The following TSHZ3 variants were observed in gnomAD, a reference collection of about 807,000 sequenced individuals.
TSHZ3 encodes teashirt homolog 3.
TSHZ3 carries 10 observed loss-of-function variants against 64.5 expected under a neutral mutation model. The ratio of observed to expected loss-of-function variants is 0.16; its 90% CI spans 0.10 to 0.26. The LOEUF (loss-of-function observed/expected upper bound fraction) is 0.26, where lower values mean the gene tolerates loss of function less well. Among genes scored for constraint, TSHZ3 ranks in the 10% least tolerant of loss-of-function variants. TSHZ3 has a pLI of 1.00. For missense variants in TSHZ3, 1,242 were observed against 1,421.7 expected (o/e 0.87, Z 2.03); for synonymous variants, 608 against 593.1 (o/e 1.03, Z -0.36).
rs567466019 is a variant in TSHZ3, at chr19:31,349,307, G to C, written c.-88C>G. The C allele has an allele frequency of 8.1e-5, 109 of 1,346,076 alleles. No individual in the cohort carries two copies. The Middle Eastern group carries it at 1.0e-3, about 13-fold the overall frequency. The allele number at this position is 1,346,076 out of a possible 1,614,324, so 83.4% of individuals were successfully genotyped here. On this transcript the variant is annotated 5_prime_UTR_variant, in exon 1 of 2. Coordinates refer to ENST00000240587, the MANE Select transcript of TSHZ3 (RefSeq NM_020856.4). ...GGAGGGGGCGGCGGGCCCGCGGGGG[G>C]GCGAGGCGGGCCTGCTCTCAGCCTC...
intron 1 of TSHZ3, among the ~76,000 whole-genome samples, chr19:31,340,737 G>A (rs1917409230): frequency 1.3e-5 from 2 of 152,212 alleles, no homozygotes; most frequent in South Asian, 4.1e-4. Flanking sequence ...CAGGTTTGCA[G>A]CCCAGGCCCA....
At chr19:31,206,472 G>C (rs1401954056) in intron 4 of TSHZ3, among the ~76,000 whole-genome samples, 2 of 152,138 alleles carry the variant, frequency 1.3e-5, no homozygotes, top group African/African-American at 2.4e-5. Flanking sequence ...GTTTTATTTT[G>C]GGAGAAAGGA....
intron 3 of TSHZ3, among the ~76,000 whole-genome samples, chr19:31,235,534 ATGTGTGTATG>A (rs1218555405): frequency 6.7e-6 from 1 of 150,086 alleles, no homozygotes; most frequent in Admixed American, 6.6e-5. Context: ...ACTTCCTCCA[ATGTGTGTATG>A]TGTGTGTGTG....
chr19:31,192,579 T>A (rs1974926816), intron 5 of TSHZ3, among the ~76,000 whole-genome samples: 1 of 152,244 alleles, frequency 6.6e-6, no homozygotes, highest in African/African-American at 2.4e-5. Flanking sequence ...ACTTTGGCCC[T>A]TTAAGTTCTG....
Position 31,185,107 on chromosome 19 carries a change from A to C in TSHZ3, n.809+19849T>G, listed in dbSNP as rs371241471. ...AAAACAAACAAGGAAACAACAACAA[A>C]AAAAAAAACACAAGGGGAATAGAAA... is the stretch of plus-strand genomic sequence containing the variant. On this transcript the variant is annotated intron_variant and non_coding_transcript_variant, in intron 5 of 6. Coordinates refer to the TSHZ3 transcript ENST00000651361. Among the ~76,000 whole-genome samples the C allele has an allele frequency of 3.4e-4, 49 of 142,416 alleles. No homozygotes were observed. In the East Asian group the frequency reaches 4.7e-3, roughly 14 times the overall value. The allele number at this position is 142,416 out of a possible 152,430, so 93.4% of individuals were successfully genotyped here.
At chr19:31,193,345 A>T (rs1207653975) in intron 5 of TSHZ3, among the ~76,000 whole-genome samples, 3 of 151,464 alleles carry the variant, frequency 2.0e-5, no homozygotes, top group Non-Finnish European at 4.4e-5. Context: ...TCACCTCCAC[A>T]CTCTTATTCT....
chr19:31,283,876 G>A (rs1976408883), intron 1 of TSHZ3, among the ~76,000 whole-genome samples: 1 of 152,164 alleles, frequency 6.6e-6, no homozygotes, highest in African/African-American at 2.4e-5. Context: ...AGGAGGGGAG[G>A]AAAGACTGGG....
chr19:31,255,556 A>G (rs1161381345), intron 1 of TSHZ3, among the ~76,000 whole-genome samples: 1 of 151,684 alleles, frequency 6.6e-6, no homozygotes, highest in African/African-American at 2.4e-5. Flanking sequence ...ACACGACCTG[A>G]GCTCCCTTCC....
intron 1 of TSHZ3, among the ~76,000 whole-genome samples, chr19:31,268,734 G>A (rs1016100211): frequency 1.3e-5 from 2 of 152,094 alleles, no homozygotes; most frequent in African/African-American, 4.8e-5. Flanking sequence ...TGTGGGAGAA[G>A]GCCTCTGCTT....
intron 1 of TSHZ3, among the ~76,000 whole-genome samples, chr19:31,309,478 G>A (rs1916394369): frequency 6.6e-6 from 1 of 152,148 alleles, no homozygotes; most frequent in African/African-American, 2.4e-5. Flanking sequence ...TCAGCATTGA[G>A]GCTCTCTCAG....
rs571900049 is a variant in TSHZ3, at chr19:31,212,344, G to A, written n.687-7266C>T. 3.2e-4 allele frequency among the ~76,000 whole-genome samples: 48 copies of A among 152,194 alleles called. No individual in the cohort carries two copies. The South Asian group carries it at 9.8e-3, about 31-fold the overall frequency. ...GTGGTGGTGCACACCTGTAATTCCA[G>A]CTACTCGGGAGGCTGAGGCTGGAGA... On this transcript the variant is annotated intron_variant and non_coding_transcript_variant, in intron 4 of 6. Coordinates refer to the TSHZ3 transcript ENST00000651361.
Position 31,275,612 on chromosome 19 carries a change from G to T in TSHZ3, c.*935C>A, listed in dbSNP as rs1339466961. The T allele has an allele frequency of 6.6e-6, 1 of 152,468 alleles. No individual in the cohort carries two copies. Among genetic ancestry groups the T allele is most frequent in the Non-Finnish European group, 1.5e-5 (1 of 67,998 alleles). 9.4% of individuals were successfully genotyped at this position (152,468 alleles called of 1,614,324 possible). A position where few individuals can be genotyped will look rare whatever the true frequency, so the allele number is the denominator to read the frequency against. On this transcript the variant is annotated 3_prime_UTR_variant, in exon 2 of 2. Transcript: ENST00000240587. ...TTTATTCAGACTGCTCAAAACAAAT[G>T]ACAATATGATGCTAATAAATATGTA...
chr19:31,175,369 G>A (rs770639595), intron 5 of TSHZ3, among the ~76,000 whole-genome samples: 6 of 152,216 alleles, frequency 3.9e-5, no homozygotes, highest in Non-Finnish European at 5.9e-5. Context: ...AAACTGTGAA[G>A]AGAAATACCC....
chr19:31,217,433 T>C (rs1975348999), intron 4 of TSHZ3, among the ~76,000 whole-genome samples: 1 of 152,012 alleles, frequency 6.6e-6, no homozygotes, highest in African/African-American at 2.4e-5. Flanking sequence ...ATGTTATAGA[T>C]GGATTTTAAG....
At chr19:31,251,235 A>G (rs1975837257) in intron 1 of TSHZ3, among the ~76,000 whole-genome samples, 1 of 152,140 alleles carries the variant, frequency 6.6e-6, no homozygotes, top group Admixed American at 6.5e-5. Flanking sequence ...GGCAAGGAGT[A>G]TGCAGATACA....
chr19:31,235,155 ACATACCCTT>A (rs1975589156), intron 3 of TSHZ3, among the ~76,000 whole-genome samples: 1 of 152,242 alleles, frequency 6.6e-6, no homozygotes, highest in African/African-American at 2.4e-5. Context: ...AAACTAATTA[ACATACCCTT>A]CACCTCGCAC....
chr19:31,287,504 G>C (rs1976483062), intron 1 of TSHZ3, among the ~76,000 whole-genome samples: 1 of 151,984 alleles, frequency 6.6e-6, no homozygotes, highest in African/African-American at 2.4e-5. Context: ...AGAAAGGACC[G>C]AAGAGGGAAG....
intron 1 of TSHZ3, among the ~76,000 whole-genome samples, chr19:31,298,016 G>A (rs899967727): frequency 2.6e-5 from 4 of 152,128 alleles, no homozygotes; most frequent in Non-Finnish European, 4.4e-5. Context: ...CCACCACCTC[G>A]GGCGCAGGGA....
chr19:31,273,781 A>G (rs1030203357), downstream of TSHZ3, among the ~76,000 whole-genome samples: 1 of 152,198 alleles, frequency 6.6e-6, no homozygotes, highest in African/African-American at 2.4e-5. Flanking sequence ...AGTAGGACAA[A>G]GAACAGGCCA....
Sources: allele counts gnomAD v4.1 joint callset (sites outside exome capture counted in the v4.1 genomes callset), GRCh38; gene constraint gnomAD v4.1.1; transcripts MANE v1.5; gene names NCBI Gene and HGNC (gene_info 2026-07-23, HGNC 2026-07-21).